The following SHISA6 variants were observed in gnomAD, a reference collection of about 807,000 sequenced individuals.
The protein encoded by SHISA6 is shisa family member 6, also known as protein shisa-6.
A neutral mutation model predicts 47.9 loss-of-function variants in SHISA6; 22 were observed. The ratio of observed to expected loss-of-function variants is 0.46; its 90% CI spans 0.33 to 0.66. The LOEUF is 0.66. Among genes scored for constraint, SHISA6 ranks in the 30% least tolerant of loss-of-function variants. The probability of loss-of-function intolerance (pLI) is 0.02; values close to 1 mark genes in which losing one functional copy is unlikely to be tolerated. For missense variants in SHISA6, 680 were observed against 764.6 expected, an observed-to-expected ratio of 0.89 and a Z score of 1.30; for synonymous variants, 388 against 337.8, an observed-to-expected ratio of 1.15 and a Z score of -1.63.
chr17:11,250,711 T>C (rs1010079020), intron 1 of SHISA6, among the ~76,000 whole-genome samples: 4 of 152,206 alleles, frequency 2.6e-5, no homozygotes, highest in African/African-American at 9.6e-5. Flanking sequence ...TTGGGCATTC[T>C]GGAGGAGTCA....
At chr17:11,480,595 A>C (rs915735785) in intron 3 of SHISA6, among the ~76,000 whole-genome samples, 1 of 152,094 alleles carries the variant, frequency 6.6e-6, no homozygotes, top group African/African-American at 2.4e-5. Context: ...TTCCATCACT[A>C]TGCTCCCCAC....
intron 3 of SHISA6, among the ~76,000 whole-genome samples, chr17:11,526,550 T>C (rs376469818): frequency 1.3e-5 from 2 of 152,136 alleles, no homozygotes; most frequent in East Asian, 3.9e-4. Context: ...TGCAGCCACA[T>C]GCCCACACTC....
chr17:11,264,901 TATTC>T (rs1387680610), intron 2 of SHISA6, among the ~76,000 whole-genome samples: 1 of 152,230 alleles, frequency 6.6e-6, no homozygotes, highest in Admixed American at 6.5e-5. Context: ...TACATATTCA[TATTC>T]AATCAACAGT....
At chr17:11,463,992 C>T (rs996612889) in intron 3 of SHISA6, among the ~76,000 whole-genome samples, 1 of 152,174 alleles carries the variant, frequency 6.6e-6, no homozygotes, top group African/African-American at 2.4e-5. Flanking sequence ...TCACAACTCA[C>T]TGCAGCCTCA....
chr17:11,305,624 C>CT (rs1910084712), intron 2 of SHISA6, among the ~76,000 whole-genome samples: 1 of 152,196 alleles, frequency 6.6e-6, no homozygotes, highest in Admixed American at 6.5e-5. Context: ...TTGTAACAGT[C>CT]TTTGAGTTTG....
rs1193753428 is a variant in SHISA6 at position 11,289,883 on chromosome 17, G to A, written c.799+26357G>A. The A allele has an allele frequency of 2.0e-5, 3 of 151,970 alleles. No homozygotes were observed. The South Asian group carries it at 6.2e-4, about 32-fold the overall frequency. The allele number at this position is 151,970 out of a possible 1,614,324, so 9.4% of individuals were successfully genotyped here. ...TAATTAGTTGATAGAACCAGTTAGT[G>A]TACAAATTAGTGTTGGATTACTAAT... is the stretch of plus-strand genomic sequence containing the variant. On this transcript the variant is annotated intron_variant, in intron 2 of 5. Transcript: ENST00000441885.
At chr17:11,256,018 G>T (rs575322085) in intron 1 of SHISA6, among the ~76,000 whole-genome samples, 3 of 152,120 alleles carry the variant, frequency 2.0e-5, no homozygotes, top group South Asian at 4.1e-4. Flanking sequence ...CATTATTTTG[G>T]TCTTATTTTT....
At chr17:11,453,105 C>A (rs1327861653) in intron 3 of SHISA6, among the ~76,000 whole-genome samples, 2 of 152,144 alleles carry the variant, frequency 1.3e-5, no homozygotes, top group African/African-American at 4.8e-5. Context: ...CTTTCCTCCC[C>A]TCTTATAATG....
intron 2 of SHISA6, among the ~76,000 whole-genome samples, chr17:11,310,837 T>A (rs1031244457): frequency 6.7e-6 from 1 of 148,222 alleles, no homozygotes; most frequent in African/African-American, 2.5e-5. Context: ...GGCTGGGCGC[T>A]GTGGCTCACG....
At chr17:11,447,066 T>C (rs189963913) in intron 3 of SHISA6, among the ~76,000 whole-genome samples, 2 of 152,228 alleles carry the variant, frequency 1.3e-5, no homozygotes, top group Non-Finnish European at 2.9e-5. Context: ...AGGCATCTTC[T>C]TGTTTCTTCC....
intron 1 of SHISA6, among the ~76,000 whole-genome samples, chr17:11,251,523 A>G (rs909057596): frequency 1.3e-5 from 2 of 152,002 alleles, no homozygotes; most frequent in Admixed American, 6.6e-5. Context: ...CACAGGAGAG[A>G]AAAGAGGCGA....
rs988778007 is a variant in SHISA6 at position 11,429,506 on chromosome 17, C to T, written c.895+49997C>T. Among the ~76,000 whole-genome samples, 21 of 151,918 alleles carry T rather than the reference C, an allele frequency of 1.4e-4. No homozygotes were observed. In the South Asian group the frequency reaches 2.7e-3, roughly 20 times the overall value. ...ATTAAAATTCAAATATCCGGCCAGG[C>T]GCCTTGGCTCTCACCTGTAGTCCCA... On this transcript the variant is annotated intron_variant, in intron 3 of 5. Transcript: ENST00000441885.
intron 2 of SHISA6, among the ~76,000 whole-genome samples, chr17:11,317,168 C>T (rs965087658): frequency 6.6e-6 from 1 of 151,834 alleles, no homozygotes; most frequent in Non-Finnish European, 1.5e-5. Context: ...CTATTTGGCT[C>T]TATATTTTAA....
At chr17:11,490,637 T>C (rs1335512610) in intron 3 of SHISA6, among the ~76,000 whole-genome samples, 1 of 152,130 alleles carries the variant, frequency 6.6e-6, no homozygotes, top group Admixed American at 6.5e-5. Context: ...TGACTTCGGA[T>C]CCATATTCAC....
At chr17:11,502,355 G>A (rs905384125) in intron 3 of SHISA6, among the ~76,000 whole-genome samples, 5 of 139,422 alleles carry the variant, frequency 3.6e-5, no homozygotes, top group Non-Finnish European at 4.5e-5. Context: ...CTTGCAGTGA[G>A]CTGAGATCGC....
chr17:11,513,429 A>G (rs1224624279), intron 3 of SHISA6, among the ~76,000 whole-genome samples: 1 of 151,962 alleles, frequency 6.6e-6, no homozygotes, highest in Non-Finnish European at 1.5e-5. Flanking sequence ...CTAAGTGTCA[A>G]CTCTTCGAAT....
At chr17:11,498,351 T>A (rs2071425093) in intron 3 of SHISA6, among the ~76,000 whole-genome samples, 1 of 152,208 alleles carries the variant, frequency 6.6e-6, no homozygotes, top group Non-Finnish European at 1.5e-5. Flanking sequence ...TATGAGTATC[T>A]GTCTTCCTGA....
chr17:11,397,395 C>G (rs895988377), intron 3 of SHISA6, among the ~76,000 whole-genome samples: 12 of 140,428 alleles, frequency 8.5e-5, no homozygotes, highest in Admixed American at 5.0e-4. Flanking sequence ...TTACCTGCCT[C>G]TGTGTGTGTG....
Position 11,563,580 on chromosome 17 carries a change from G to C in SHISA6, c.*5276G>C, listed in dbSNP as rs538720433. On this transcript the variant is annotated 3_prime_UTR_variant, in exon 6 of 6. Transcript: ENST00000441885. ...TCAACTTTGCTGCCCACCCTGCAGT[G>C]ACCCCTGAATGCCACACCATGGGAG... is the stretch of plus-strand genomic sequence containing the variant. The C allele has an allele frequency of 2.0e-5, 3 of 152,318 alleles. No individual in the cohort carries two copies. Among genetic ancestry groups the C allele is most frequent in the South Asian group, 4.1e-4 (2 of 4,824 alleles). 9.4% of individuals were successfully genotyped at this position (152,318 alleles called of 1,614,324 possible).
Sources: gnomAD v4.1 joint callset for allele counts (sites outside exome capture counted in the v4.1 genomes callset) on GRCh38, gnomAD v4.1.1 for gene constraint, MANE v1.5 for transcripts, NCBI Gene and HGNC (gene_info 2026-07-23, HGNC 2026-07-21) for gene names.